TENM1: variants seen among roughly 807,000 people sequenced by gnomAD.
TENM1 encodes the protein teneurin-1.
A neutral mutation model predicts 174.8 loss-of-function variants in TENM1; 35 were observed. The observed-to-expected ratio is 0.20, with a 90% CI of 0.15 to 0.27. The LOEUF is 0.27. Ranked by LOEUF, TENM1 falls within the 10% of genes least tolerant of loss-of-function variation. TENM1 has a pLI of 1.00. For synonymous variants in TENM1, 781 were observed against 798.7 expected (o/e 0.98, Z 0.37); for missense variants, 1,633 against 2,130.1 (o/e 0.77, Z 4.59).
intron 1 of TENM1, among the ~76,000 whole-genome samples, chrX:124,910,460 G>C (rs891310195): frequency 1.3e-4 from 15 of 112,223 alleles, no homozygotes; most frequent in Non-Finnish European, 2.4e-4. Context: ...ATACAGGATA[G>C]ATGTAATATG....
the TENM1 span, among the ~76,000 whole-genome samples, chrX:125,100,559 C>G: frequency 8.9e-6 from 1 of 111,899 alleles, no homozygotes; most frequent in Admixed American, 9.5e-5. Flanking sequence ...CCAATTTGAT[C>G]GGTACATGAG....
At chrX:124,553,461 T>C (rs1032185152) in intron 14 of TENM1, among the ~76,000 whole-genome samples, 3 of 105,771 alleles carry the variant, frequency 2.8e-5, no homozygotes, top group African/African-American at 1.0e-4. Context: ...GATAGCACCA[T>C]TGCACTCCAG....
the TENM1 span, among the ~76,000 whole-genome samples, chrX:125,133,005 ACT>A: frequency 1.8e-5 from 2 of 108,560 alleles, no homozygotes; most frequent in Non-Finnish European, 3.8e-5. Context: ...TTATTATTAT[ACT>A]TTAAGTTCTA....
At chrX:125,089,363 G>A in the TENM1 span, among the ~76,000 whole-genome samples, 1 of 111,783 alleles carries the variant, frequency 8.9e-6, no homozygotes, top group Non-Finnish European at 1.9e-5. Flanking sequence ...GGGACACCTA[G>A]CTTTATTCAA....
chrX:124,813,715 A>C (rs2055834323), intron 3 of TENM1, among the ~76,000 whole-genome samples: 1 of 111,339 alleles, frequency 9.0e-6, no homozygotes, highest in African/African-American at 3.3e-5. Context: ...TTTACAGAAT[A>C]TCTCTCTAAA....
chrX:124,681,994 C>G (rs2052246822), intron 5 of TENM1, among the ~76,000 whole-genome samples: 1 of 111,800 alleles, frequency 8.9e-6, no homozygotes, highest in African/African-American at 3.2e-5. Context: ...TTGTGATTCT[C>G]TGAAGAGAGT....
intron 3 of TENM1, among the ~76,000 whole-genome samples, chrX:124,767,428 T>C (rs1428468111): frequency 9.0e-6 from 1 of 111,725 alleles, no homozygotes; most frequent in African/African-American, 3.2e-5. Flanking sequence ...TAGGTCATAG[T>C]AGGTACCTGA....
intron 8 of TENM1, among the ~76,000 whole-genome samples, chrX:124,648,250 C>T (rs753986975): frequency 8.9e-6 from 1 of 112,085 alleles, no homozygotes; most frequent in Non-Finnish European, 1.9e-5. Flanking sequence ...TGCATTTTTG[C>T]CTTGAGAAGA....
In TENM1 at chrX:124,467,311, C is replaced by G. The variant is rs139285638; in HGVS notation, c.3950-13820G>C. On this transcript the variant is annotated intron_variant, in intron 22 of 31. Coordinates refer to ENST00000422452, the Ensembl canonical transcript of TENM1. ...TAACCTCACATTTGAGTTATTAAGCCTGTGATTCCTCAGGGGGAAACTTTA... is the reference window on the plus strand; with the variant it reads ...TAACCTCACATTTGAGTTATTAAGCGTGTGATTCCTCAGGGGGAAACTTTA... Among the ~76,000 whole-genome samples the G allele has an allele frequency of 6.6e-3, 735 of 111,850 alleles. 4 individuals carry two copies. The highest frequency in any genetic ancestry group is 0.022 in the African/African-American group (690 of 30,828).
the TENM1 span, among the ~76,000 whole-genome samples, chrX:124,974,902 A>ATATATATAT: frequency 1.3e-4 from 12 of 91,982 alleles, no homozygotes; most frequent in Admixed American, 2.6e-4. Context: ...ATATATATAT[A>ATATATATAT]AAATAATTTT....
intron 27 of TENM1, among the ~76,000 whole-genome samples, 194 bp from the exon 31 acceptor site, chrX:124,392,542 C>G (rs1447490716): frequency 9.0e-6 from 1 of 111,684 alleles, no homozygotes; most frequent in Non-Finnish European, 1.9e-5. Flanking sequence ...GAGAGCAGGG[C>G]TATGTCTTAA....
At chrX:124,886,546 TATAGAGAGAGAGAGAG>T (rs2040341235) in intron 3 of TENM1, among the ~76,000 whole-genome samples, 1 of 76,076 alleles carries the variant, frequency 1.3e-5, no homozygotes, top group Non-Finnish European at 2.4e-5. Flanking sequence ...TATATATATA[TATAGAGAGAGAGAGAG>T]AGAGAGAGAG....
At chrX:124,955,946 C>T (rs908401822) in intron 1 of TENM1, among the ~76,000 whole-genome samples, 1 of 111,137 alleles carries the variant, frequency 9.0e-6, no homozygotes, top group African/African-American at 3.3e-5. Context: ...TCACTTACTA[C>T]CTCTGTAATA....
At chrX:124,601,086 G>A (rs2050015794) in intron 11 of TENM1, among the ~76,000 whole-genome samples, 1 of 111,729 alleles carries the variant, frequency 9.0e-6, no homozygotes, top group African/African-American at 3.2e-5. Flanking sequence ...TATTTGTACT[G>A]TACTTTCACT....
At position 124,539,205 on chromosome X, in the gene TENM1, A is replaced by G. The variant is rs1045867996; in HGVS notation, c.2651+7669T>C. Among the ~76,000 whole-genome samples, 3 of 111,802 alleles carry G rather than the reference A, an allele frequency of 2.7e-5. No homozygotes were observed. The East Asian group carries it at 8.4e-4, about 31-fold the overall frequency. The stretch of plus-strand genomic sequence containing the variant: ...CAACAGCAGGCTCCAGTTTCTGTTA[A>G]AATCTATTGCATAGGGGTCCAGGTG... On this transcript the variant is annotated intron_variant, in intron 15 of 31. Coordinates refer to ENST00000422452, the Ensembl canonical transcript of TENM1.
intron 4 of TENM1, among the ~76,000 whole-genome samples, chrX:124,723,909 T>A (rs1458003148): frequency 1.8e-5 from 2 of 111,303 alleles, no homozygotes; most frequent in Non-Finnish European, 3.8e-5. Flanking sequence ...GAAGCTGGGT[T>A]TTAACTGACT....
intron 11 of TENM1, among the ~76,000 whole-genome samples, chrX:124,621,551 C>T (rs192101227): frequency 8.9e-5 from 10 of 112,332 alleles, no homozygotes; most frequent in African/African-American, 2.9e-4. Flanking sequence ...ACACCTTATA[C>T]ACATAGTCTG....
chrX:124,653,640 T>C, exon 7 of TENM1: 3 of 1,211,136 alleles, frequency 2.5e-6, no homozygotes, highest in Non-Finnish European at 3.4e-6. Flanking sequence ...AGAGAGTCCT[T>C]GGCTAAAGAA....
chrX:124,938,652 A>G (rs180817347), intron 1 of TENM1, among the ~76,000 whole-genome samples: 11 of 112,043 alleles, frequency 9.8e-5, no homozygotes, highest in African/African-American at 3.6e-4. Context: ...TGGAAGAACT[A>G]TTTTTGAAAT....
Sources: gnomAD v4.1 joint callset for allele counts (sites outside exome capture counted in the v4.1 genomes callset) on GRCh38, gnomAD v4.1.1 for gene constraint, MANE v1.5 for transcripts, NCBI Gene and HGNC (gene_info 2026-07-23, HGNC 2026-07-21) for gene names.